Variants in KIF26B observed in about 807,000 individuals in gnomAD.
The protein encoded by KIF26B is kinesin family member 26B, also known as kinesin-like protein KIF26B.
KIF26B carries 63 observed loss-of-function variants against 151.2 expected under a neutral mutation model. That is an observed-to-expected ratio of 0.42 (90% confidence interval 0.34 to 0.51). The LOEUF (loss-of-function observed/expected upper bound fraction) is 0.51, where lower values mean the gene tolerates loss of function less well. KIF26B is among the 20% of genes least tolerant of loss of function. KIF26B has a pLI of 0.07. For synonymous variants in KIF26B, 1,357 were observed against 1,262.1 expected, an observed-to-expected ratio of 1.08 and a Z score of -1.59; for missense variants, 2,813 against 2,913.6, an observed-to-expected ratio of 0.97 and a Z score of 0.79.
At chr1:245,370,751 G>A (rs1398154918) in intron 3 of KIF26B, 4 of 406,752 alleles carry the variant, frequency 9.8e-6, no homozygotes, top group South Asian at 5.2e-5. Context: ...TTAAACGGCC[G>A]ATTAGGGATT....
intron 4 of KIF26B, among the ~76,000 whole-genome samples, chr1:245,504,785 G>A (rs537250498): frequency 2.6e-5 from 4 of 151,998 alleles, no homozygotes; most frequent in African/African-American, 9.7e-5. Context: ...AATTGTAGCC[G>A]TGGTCAGAGG....
intron 2 of KIF26B, among the ~76,000 whole-genome samples, chr1:245,226,837 G>A (rs1051520332): frequency 6.6e-6 from 1 of 152,190 alleles, no homozygotes; most frequent in Non-Finnish European, 1.5e-5. Context: ...TGATCACAGT[G>A]ATGTTCATTC....
chr1:245,584,358 A>G (rs541299255), intron 5 of KIF26B, among the ~76,000 whole-genome samples: 3 of 152,230 alleles, frequency 2.0e-5, no homozygotes, highest in East Asian at 3.9e-4. Context: ...AGACTTGGGT[A>G]TTTCTTTATA....
At chr1:245,534,817 C>T (rs1422053050) in intron 4 of KIF26B, among the ~76,000 whole-genome samples, 1 of 148,096 alleles carries the variant, frequency 6.8e-6, no homozygotes, top group African/African-American at 2.5e-5. Context: ...GAGTGTTGCT[C>T]TGTCACCCAG....
At position 245,686,439 on chromosome 1, in the gene KIF26B, C is replaced by T. The variant is rs146698496; in HGVS notation, c.3456C>T (p.Val1152=). 478 of 1,613,370 alleles carry T rather than the reference C, an allele frequency of 3.0e-4. 1 individual carries two copies. The highest frequency in any genetic ancestry group is 2.9e-3 in the African/African-American group (215 of 75,040). The change falls in exon 12 of 15, where the codon GTC becomes GTT. Residue 1152 remains valine, a synonymous_variant. Transcript: ENST00000407071. The surrounding 1 kb of genome is among the most constrained non-coding windows in gnomAD (Gnocchi z 5.6). ...AGSEGFPETP[V]DDEQQAATPS... is the part of the protein sequence containing the mutation. ...GCGAAGGGTTCCCGGAAACTCCTGT[C>T]GATGATGAGCAGCAGGCAGCTACTC...
intron 8 of KIF26B, among the ~76,000 whole-genome samples, chr1:245,610,722 G>T (rs1470587380): frequency 6.6e-6 from 1 of 152,214 alleles, no homozygotes; most frequent in Non-Finnish European, 1.5e-5. Context: ...AGAAAAAGAA[G>T]AAAAGACCAA....
At chr1:245,267,636 A>ACG in intron 2 of KIF26B, among the ~76,000 whole-genome samples, 1 of 17,458 alleles carries the variant, frequency 5.7e-5, no homozygotes, top group East Asian at 4.0e-3. Context: ...TAAGTAATGC[A>ACG]CACACACACA....
In KIF26B at chr1:245,244,184, T is replaced by C. The variant is rs1373117895; in HGVS notation, c.465+87501T>C. 6.6e-6 allele frequency among the ~76,000 whole-genome samples: 1 copy of C among 152,152 alleles called. No homozygotes were observed. Among genetic ancestry groups the C allele is most frequent in the Non-Finnish European group, 1.5e-5 (1 of 68,028 alleles). On this transcript the variant is annotated intron_variant, in intron 2 of 14. Transcript: ENST00000407071. The surrounding 1 kb of genome is among the most constrained non-coding windows in gnomAD (Gnocchi z 4.2). Reference sequence around the variant, plus strand: ...GTTACCCAGGCTGATCTCGAACTCCTGGCCTCAAGCAATCTTTCCACCTTA... The same window carrying C: ...GTTACCCAGGCTGATCTCGAACTCCCGGCCTCAAGCAATCTTTCCACCTTA...
chr1:245,465,901 G>T lies in KIF26B; in HGVS notation c.1166+46156G>T, dbSNP rs1659778464. 2.0e-5 allele frequency among the ~76,000 whole-genome samples: 3 copies of T among 152,304 alleles called. No homozygotes were observed. The South Asian group carries it at 6.2e-4, about 32-fold the overall frequency. ...TCCCATCTCCTTCTGCGCTCTCCAA[G>T]GGCTGAGCCCATCCTGAAGCCAGAA... is the stretch of plus-strand genomic sequence containing the variant. On this transcript the variant is annotated intron_variant, in intron 4 of 14. Coordinates refer to ENST00000407071, the MANE Select transcript of KIF26B (RefSeq NM_018012.4).
At chr1:245,357,480 G>T (rs1010391218) in intron 2 of KIF26B, among the ~76,000 whole-genome samples, 1 of 152,164 alleles carries the variant, frequency 6.6e-6, no homozygotes, top group Non-Finnish European at 1.5e-5. Context: ...GAAGAGCGGG[G>T]CCTTAGGATG....
intron 4 of KIF26B, among the ~76,000 whole-genome samples, chr1:245,505,945 C>G (rs2103081429): frequency 6.6e-6 from 1 of 152,202 alleles, no homozygotes; most frequent in African/African-American, 2.4e-5. Flanking sequence ...AGGTATTTCC[C>G]ACAGGGAAAT....
intron 2 of KIF26B, among the ~76,000 whole-genome samples, chr1:245,301,191 G>C (rs1039377664): frequency 1.3e-5 from 2 of 152,310 alleles, no homozygotes; most frequent in Admixed American, 1.3e-4. Context: ...CTCTACTGTG[G>C]TTTCCCTGGG....
rs911151279 is a variant in KIF26B, at chr1:245,704,910, G to A, written c.*2304G>A. ...AAAGGTGAATATTCTGTTTTTGTTG[G>A]AAAGAAACTCATCTGATGAGTCATC... is the stretch of plus-strand genomic sequence containing the variant. On this transcript the variant is annotated 3_prime_UTR_variant, in exon 15 of 15. Transcript: ENST00000407071. 6.6e-6 allele frequency: 1 copy of A among 152,176 alleles called. No individual in the cohort carries two copies. The highest frequency in any genetic ancestry group is 6.5e-5 in the Admixed American group (1 of 15,284). The allele number at this position is 152,176 out of a possible 1,614,324, so 9.4% of individuals were successfully genotyped here.
chr1:245,311,878 C>T lies in KIF26B; in HGVS notation c.466-54956C>T, dbSNP rs565067881. Among the ~76,000 whole-genome samples the T allele has an allele frequency of 9.9e-4, 150 of 152,218 alleles. 1 individual carries two copies. The highest frequency in any genetic ancestry group is 3.3e-3 in the African/African-American group (136 of 41,546). On this transcript the variant is annotated intron_variant, in intron 2 of 14. Coordinates refer to ENST00000407071, the MANE Select transcript of KIF26B (RefSeq NM_018012.4). Reference sequence around the variant, plus strand: ...CCAGGAGACAGAGGTTGCAGTGAGCCGAGATCATGCCATTGCACTGCAGCC... The same window carrying T: ...CCAGGAGACAGAGGTTGCAGTGAGCTGAGATCATGCCATTGCACTGCAGCC...
chr1:245,466,679 A>G (rs1326440448), intron 4 of KIF26B, among the ~76,000 whole-genome samples: 1 of 152,144 alleles, frequency 6.6e-6, no homozygotes, highest in Non-Finnish European at 1.5e-5. Flanking sequence ...TAATCCCAGC[A>G]CTTTAGGAGG....
chr1:245,412,990 G>C (rs1674323876), intron 3 of KIF26B, among the ~76,000 whole-genome samples: 1 of 152,084 alleles, frequency 6.6e-6, no homozygotes, highest in African/African-American at 2.4e-5. Context: ...CCACCCCGAG[G>C]GATATGATGT....
At chr1:245,510,913 AC>A in intron 4 of KIF26B, 1 of 595,978 alleles carries the variant, frequency 1.7e-6, no homozygotes, top group East Asian at 2.8e-5. Flanking sequence ...AGAATGTTTC[AC>A]CAGGGTCTGC....
In KIF26B at chr1:245,155,192, A is replaced by G; in HGVS notation, c.-233A>G. 1.8e-6 allele frequency: 1 copy of G among 560,326 alleles called. No homozygotes were observed. Among genetic ancestry groups the G allele is most frequent in the East Asian group, 3.2e-5 (1 of 31,378 alleles). The allele number at this position is 560,326 out of a possible 1,614,324, so 34.7% of individuals were successfully genotyped here. On this transcript the variant is annotated 5_prime_UTR_variant, in exon 1 of 15. Coordinates refer to ENST00000407071, the MANE Select transcript of KIF26B (RefSeq NM_018012.4). ...CTGGAAGAGGCAGAAGGGGACGAGG[A>G]AAAGCATGCTTTGAAGAGAAGAATA... is the stretch of plus-strand genomic sequence containing the variant.
At chr1:245,591,568 C>T (rs2043289554) in intron 5 of KIF26B, among the ~76,000 whole-genome samples, 1 of 152,198 alleles carries the variant, frequency 6.6e-6, no homozygotes, top group Non-Finnish European at 1.5e-5. Flanking sequence ...AGCTCTAGGC[C>T]ATGTGCCCTG....
Sources: allele counts gnomAD v4.1 joint callset (sites outside exome capture counted in the v4.1 genomes callset), GRCh38; gene constraint gnomAD v4.1.1; non-coding constraint Gnocchi (gnomAD v3.1); transcripts MANE v1.5; gene names NCBI Gene and HGNC (gene_info 2026-07-23, HGNC 2026-07-21).